The following IL21R variants were observed in gnomAD, a reference collection of about 807,000 sequenced individuals.
IL21R encodes interleukin-21 receptor.
A neutral mutation model predicts 41.3 loss-of-function variants in IL21R; 14 were observed. The ratio of observed to expected loss-of-function variants is 0.34; its 90% CI spans 0.22 to 0.53. The LOEUF (loss-of-function observed/expected upper bound fraction) is 0.53, where lower values mean the gene tolerates loss of function less well. IL21R is among the 20% of genes least tolerant of loss of function. The pLI is 0.94. For synonymous variants in IL21R, 286 were observed against 287.6 expected (o/e 0.99, Z 0.05); for missense variants, 588 against 681.6 (o/e 0.86, Z 1.53).
intron 1 of IL21R, among the ~76,000 whole-genome samples, chr16:27,426,863 T>C (rs1339208693): frequency 1.3e-5 from 2 of 152,110 alleles, no homozygotes; most frequent in African/African-American, 2.4e-5. Flanking sequence ...GTGACAGAAA[T>C]AGAATTCAAC....
intron 1 of IL21R, among the ~76,000 whole-genome samples, chr16:27,411,360 T>C (rs1279917940): frequency 6.6e-6 from 1 of 152,074 alleles, no homozygotes; most frequent in Non-Finnish European, 1.5e-5. Flanking sequence ...TAATTTGTAT[T>C]TCCCTGATGA....
chr16:27,446,862 G>T (rs775958296), intron 8 of IL21R, among the ~76,000 whole-genome samples: 1 of 152,212 alleles, frequency 6.6e-6, no homozygotes, highest in Non-Finnish European at 1.5e-5. Context: ...ATTTACAGCC[G>T]TGTCACCCAC....
chr16:27,437,444 CT>C (rs769702988), intron 3 of IL21R, 43 bp from the exon 4 acceptor site: 1 of 1,533,660 alleles, frequency 6.5e-7, no homozygotes, highest in Non-Finnish European at 9.0e-7. Flanking sequence ...ACCATCCCCC[CT>C]GCCCCTGGCT....
rs769956538 is a variant in IL21R at position 27,448,871 on chromosome 16, T to G, written c.1205T>G (p.Leu402Arg). Residue 402 changes from leucine to arginine, a missense_variant, in exon 9 of 9, where the codon CTG becomes CGG. By Grantham distance (102) the Leu-to-Arg change is moderately radical. Transcript: ENST00000337929. ...CSCEDDGYPA[L>R]DLDAGLEPSP... Reference sequence around the variant, plus strand: ...TGTGAGGATGACGGCTACCCAGCCCTGGACCTGGATGCTGGCCTGGAGCCC... The same window carrying G: ...TGTGAGGATGACGGCTACCCAGCCCGGGACCTGGATGCTGGCCTGGAGCCC... The G allele has an allele frequency of 8.7e-6, 14 of 1,612,510 alleles. No homozygotes were observed. In the East Asian group the frequency reaches 2.9e-4, roughly 33 times the overall value.
In IL21R at chr16:27,406,634, A is replaced by G. The variant is rs1750673930; in HGVS notation, c.-17+4016A>G. Among the ~76,000 whole-genome samples, 3 of 151,998 alleles carry G rather than the reference A, an allele frequency of 2.0e-5. No individual in the cohort carries two copies. The East Asian group carries it at 5.8e-4, about 29-fold the overall frequency. On this transcript the variant is annotated intron_variant, in intron 1 of 8. Transcript: ENST00000337929. ...CTTCTACTGATTAACTGTAAGCCTG[A>G]GGTCCCCAACATACCTGCCTTCAGA...
intron 1 of IL21R, among the ~76,000 whole-genome samples, chr16:27,425,266 C>T (rs947363951): frequency 2.6e-5 from 4 of 152,264 alleles, no homozygotes; most frequent in East Asian, 1.9e-4. Context: ...GGTCAGCCTG[C>T]GTGCAAAGAC....
chr16:27,414,456 G>A (rs755607300), intron 1 of IL21R, among the ~76,000 whole-genome samples: 1 of 151,704 alleles, frequency 6.6e-6, no homozygotes, highest in African/African-American at 2.4e-5. Context: ...TTAATATTTT[G>A]TTTCAGATAT....
chr16:27,419,570 A>G (rs1313593722), intron 1 of IL21R, among the ~76,000 whole-genome samples: 1 of 152,062 alleles, frequency 6.6e-6, no homozygotes, highest in Non-Finnish European at 1.5e-5. Flanking sequence ...TGGAATTACA[A>G]GCACACACCA....
At chr16:27,419,646 T>C (rs569089796) in intron 1 of IL21R, among the ~76,000 whole-genome samples, 3 of 152,296 alleles carry the variant, frequency 2.0e-5, no homozygotes, top group Admixed American at 2.0e-4. Flanking sequence ...CAGGCTGGTT[T>C]CCAACTCCTG....
chr16:27,446,658 A>G (rs1567373451), intron 8 of IL21R, among the ~76,000 whole-genome samples: 4 of 152,080 alleles, frequency 2.6e-5, no homozygotes, highest in Non-Finnish European at 5.9e-5. Flanking sequence ...AAGGAACCAG[A>G]CTGGGATAGG....
At chr16:27,421,897 T>G (rs953936240) in intron 1 of IL21R, among the ~76,000 whole-genome samples, 1 of 152,108 alleles carries the variant, frequency 6.6e-6, no homozygotes, top group Non-Finnish European at 1.5e-5. Flanking sequence ...TCTAGTAAAA[T>G]GTTTTATAAA....
At chr16:27,407,198 C>A (rs1418954481) in intron 1 of IL21R, among the ~76,000 whole-genome samples, 3 of 152,212 alleles carry the variant, frequency 2.0e-5, no homozygotes, top group Non-Finnish European at 2.9e-5. Flanking sequence ...CCCTTCTCTG[C>A]ACTAGGGATA....
chr16:27,402,816 C>T (rs984029374), intron 1 of IL21R, among the ~76,000 whole-genome samples, 198 bp downstream of exon 1: 2 of 152,168 alleles, frequency 1.3e-5, no homozygotes, highest in African/African-American at 4.8e-5. Context: ...TTGTTCAGCA[C>T]AGCTTAGGGG....
intron 2 of IL21R, among the ~76,000 whole-genome samples, chr16:27,432,840 G>T (rs994899112): frequency 6.6e-6 from 1 of 152,146 alleles, no homozygotes; most frequent in Non-Finnish European, 1.5e-5. Context: ...GCATTCCGAG[G>T]TCACACCTAG....
chr16:27,437,470 G>A lies in IL21R; in HGVS notation c.153-18G>A. On this transcript the variant is annotated intron_variant, in intron 3 of 8. Coordinates refer to ENST00000337929, the MANE Select transcript of IL21R (RefSeq NM_181078.3). Reference sequence around the variant, plus strand: ...TGCCCCTGGCTTCCAGCCATGACCGGCTGCTTTGTCCTTGAAGGCAAGACC... The same window carrying A: ...TGCCCCTGGCTTCCAGCCATGACCGACTGCTTTGTCCTTGAAGGCAAGACC... 1 of 1,609,892 alleles carries A rather than the reference G, an allele frequency of 6.2e-7. No individual in the cohort carries two copies. The highest frequency in any genetic ancestry group is 8.5e-7 in the Non-Finnish European group (1 of 1,178,198).
At chr16:27,409,926 G>A (rs958221514) in intron 1 of IL21R, among the ~76,000 whole-genome samples, 1 of 151,998 alleles carries the variant, frequency 6.6e-6, no homozygotes, top group Non-Finnish European at 1.5e-5. Flanking sequence ...CAATTTGGGG[G>A]GGACTAGCAT....
At chr16:27,440,248 T>TATATAGAGAGAGAGAG (rs1352160946) in intron 4 of IL21R, among the ~76,000 whole-genome samples, 53 of 64,038 alleles carry the variant, frequency 8.3e-4, no homozygotes, top group Non-Finnish European at 9.8e-4. Context: ...TATATATATA[T>TATATAGAGAGAGAGAG]AGAGAGAGAG....
chr16:27,429,602 T>C (rs179761), intron 1 of IL21R, among the ~76,000 whole-genome samples: 48,181 of 151,700 alleles, frequency 0.32, 8,251 homozygotes, highest in East Asian at 0.43. Flanking sequence ...CAAGATGCCG[T>C]CTCTACAAAA....
rs568002552 is a variant in IL21R, at chr16:27,407,636, A to G, written c.-17+5018A>G. Among the ~76,000 whole-genome samples, 558 of 152,188 alleles carry G rather than the reference A, an allele frequency of 3.7e-3. 2 individuals are homozygous for G. Among genetic ancestry groups the G allele is most frequent in the Non-Finnish European group, 6.6e-3 (450 of 67,980 alleles). ...AGGTCAGGAGTTTGAGATCAGCCTG[A>G]CCAACATGGTGAAACCCTGTCTCTA... is the stretch of plus-strand genomic sequence containing the variant. On this transcript the variant is annotated intron_variant, in intron 1 of 8. Transcript: ENST00000337929.
Sources: gnomAD v4.1 joint callset for allele counts (sites outside exome capture counted in the v4.1 genomes callset) on GRCh38, gnomAD v4.1.1 for gene constraint, MANE v1.5 for transcripts, NCBI Gene and HGNC (gene_info 2026-07-23, HGNC 2026-07-21) for gene names.